NALF1: variants seen among roughly 807,000 people sequenced by gnomAD.
NALF1 encodes NALCN channel auxiliary factor 1.
In NALF1, 3 loss-of-function variants were observed where a neutral mutation model predicts 48.4. The ratio of observed to expected loss-of-function variants is 0.06; its 90% CI spans 0.03 to 0.16. The LOEUF is 0.16. NALF1 is among the 10% of genes least tolerant of loss of function. The probability of loss-of-function intolerance (pLI) is 1.00; values close to 1 mark genes in which losing one functional copy is unlikely to be tolerated. For missense variants in NALF1, 526 were observed against 571.5 expected (o/e 0.92, Z 0.81); for synonymous variants, 262 against 245.7 (o/e 1.07, Z -0.62).
chr13:107,677,834 G>A (rs76662855), intron 1 of NALF1, among the ~76,000 whole-genome samples: 1 of 123,424 alleles, frequency 8.1e-6, no homozygotes, highest in African/African-American at 3.3e-5. Context: ...GCAAACACAA[G>A]CAAACAAAAC....
At chr13:107,836,711 A>G (rs1879899356) in intron 1 of NALF1, among the ~76,000 whole-genome samples, 1 of 152,226 alleles carries the variant, frequency 6.6e-6, no homozygotes, top group Admixed American at 6.5e-5. Context: ...TGATTTCAAA[A>G]TATCCTTTAA....
chr13:107,311,105 T>C (rs1455734777), intron 1 of NALF1, among the ~76,000 whole-genome samples: 1 of 152,224 alleles, frequency 6.6e-6, no homozygotes, highest in Non-Finnish European at 1.5e-5. Flanking sequence ...CACATTTTTT[T>C]TCCCCCAAGA....
chr13:107,717,227 A>C (rs901118642), intron 1 of NALF1, among the ~76,000 whole-genome samples: 3 of 152,228 alleles, frequency 2.0e-5, no homozygotes, highest in Non-Finnish European at 2.9e-5. Flanking sequence ...CTAGCTGACA[A>C]ACATTTCAGT....
chr13:107,258,292 T>G (rs989098816), intron 1 of NALF1, among the ~76,000 whole-genome samples: 2 of 152,230 alleles, frequency 1.3e-5, no homozygotes, highest in East Asian at 3.9e-4. Flanking sequence ...ATTGTTAATT[T>G]TAGATTGCTA....
chr13:107,218,481 C>A (rs919260363), intron 1 of NALF1, among the ~76,000 whole-genome samples: 3 of 152,160 alleles, frequency 2.0e-5, no homozygotes, highest in Admixed American at 6.5e-5. Context: ...GAGAGCCAGT[C>A]CACCTGGCCC....
At chr13:107,517,879 G>C (rs751807000) in intron 1 of NALF1, among the ~76,000 whole-genome samples, 27 of 151,478 alleles carry the variant, frequency 1.8e-4, no homozygotes, top group Middle Eastern at 3.2e-3. Flanking sequence ...TTCAACCCGG[G>C]AGGTGGACGT....
At chr13:107,640,793 C>T (rs1880130717) in intron 1 of NALF1, among the ~76,000 whole-genome samples, 3 of 152,074 alleles carry the variant, frequency 2.0e-5, no homozygotes, top group Admixed American at 2.0e-4. Context: ...ATAAAAGACC[C>T]CAAAGAGAGA....
At chr13:107,420,795 A>T (rs913632847) in intron 1 of NALF1, among the ~76,000 whole-genome samples, 2 of 152,222 alleles carry the variant, frequency 1.3e-5, no homozygotes, top group Non-Finnish European at 2.9e-5. Flanking sequence ...CTTTTGGGGT[A>T]TCCATCACCT....
intron 1 of NALF1, among the ~76,000 whole-genome samples, chr13:107,836,504 T>C (rs950015525): frequency 1.1e-4 from 16 of 152,268 alleles, no homozygotes; most frequent in African/African-American, 3.8e-4. Context: ...AATTTCTCAC[T>C]GAAAAAAATG....
chr13:107,853,835 A>C (rs1242060593), intron 1 of NALF1, among the ~76,000 whole-genome samples: 1 of 152,168 alleles, frequency 6.6e-6, no homozygotes, highest in Non-Finnish European at 1.5e-5. Flanking sequence ...AAAAAGTTTG[A>C]TTTTTTCAAA....
intron 2 of NALF1, among the ~76,000 whole-genome samples, chr13:107,172,126 A>G (rs1264345355): frequency 6.6e-6 from 1 of 152,178 alleles, no homozygotes; most frequent in Admixed American, 6.5e-5. Context: ...GTTTCTTCCT[A>G]AAATGTCCTC....
chr13:107,335,433 G>T (rs752462036), intron 1 of NALF1, among the ~76,000 whole-genome samples: 1 of 152,118 alleles, frequency 6.6e-6, no homozygotes, highest in Non-Finnish European at 1.5e-5. Context: ...GTCTTCACAG[G>T]TGCCAGAGAA....
At chr13:107,286,613 G>T (rs1037267478) in intron 1 of NALF1, among the ~76,000 whole-genome samples, 1 of 144,034 alleles carries the variant, frequency 6.9e-6, no homozygotes, top group Non-Finnish European at 1.5e-5. Flanking sequence ...AAGAAAGAAA[G>T]AAAAGAAACA....
chr13:107,263,996 G>T (rs1349681222), intron 1 of NALF1, among the ~76,000 whole-genome samples: 3 of 152,176 alleles, frequency 2.0e-5, no homozygotes. Flanking sequence ...TGGAATTGTG[G>T]CCAGCTTTAA....
At chr13:107,411,165 C>A (rs1290239585) in intron 1 of NALF1, among the ~76,000 whole-genome samples, 1 of 152,132 alleles carries the variant, frequency 6.6e-6, no homozygotes, top group Non-Finnish European at 1.5e-5. Flanking sequence ...GAAAGGAATG[C>A]AAATTCGAGG....
At chr13:107,528,044 T>C (rs1360517086) in intron 1 of NALF1, among the ~76,000 whole-genome samples, 1 of 152,138 alleles carries the variant, frequency 6.6e-6, no homozygotes, top group Non-Finnish European at 1.5e-5. Flanking sequence ...ATTAGGAATA[T>C]AACTGAAAGA....
intron 2 of NALF1, among the ~76,000 whole-genome samples, chr13:107,177,554 C>T (rs1026637381): frequency 2.0e-5 from 3 of 151,450 alleles, no homozygotes; most frequent in African/African-American, 7.4e-5. Flanking sequence ...ACACATAGAC[C>T]AATGGAACAG....
chr13:107,544,902 T>C (rs1877094959), intron 1 of NALF1, among the ~76,000 whole-genome samples: 2 of 152,122 alleles, frequency 1.3e-5, no homozygotes, highest in South Asian at 4.1e-4. Flanking sequence ...AGAATGGAGA[T>C]CACCGTCCTC....
intron 1 of NALF1, among the ~76,000 whole-genome samples, chr13:107,507,437 T>C (rs1875735176): frequency 6.6e-6 from 1 of 151,668 alleles, no homozygotes; most frequent in South Asian, 2.1e-4. Context: ...TTGTTTTTAA[T>C]GGAAAGGAAG....
Sources: gnomAD v4.1 joint callset for allele counts (sites outside exome capture counted in the v4.1 genomes callset) on GRCh38, gnomAD v4.1.1 for gene constraint, MANE v1.5 for transcripts, NCBI Gene and HGNC (gene_info 2026-07-23, HGNC 2026-07-21) for gene names.